PDZD8: variants seen among roughly 807,000 people sequenced by gnomAD.
PDZD8 encodes PDZ domain-containing protein 8.
PDZD8 carries 14 observed loss-of-function variants against 85.8 expected under a neutral mutation model. The observed-to-expected ratio is 0.16, with a 90% CI of 0.11 to 0.26. The LOEUF (loss-of-function observed/expected upper bound fraction) is 0.26. Among genes scored for constraint, PDZD8 ranks in the 10% least tolerant of loss-of-function variants. PDZD8 has a pLI of 1.00. For synonymous variants in PDZD8, 592 were observed against 568.6 expected, an observed-to-expected ratio of 1.04 and a Z score of -0.59; for missense variants, 1,197 against 1,424.3, an observed-to-expected ratio of 0.84 and a Z score of 2.57.
In PDZD8 at chr10:117,367,526, C is replaced by T. The variant is rs555994014; in HGVS notation, c.872+6830G>A. On this transcript the variant is annotated intron_variant, in intron 1 of 4. Coordinates refer to ENST00000334464, the MANE Select transcript of PDZD8 (RefSeq NM_173791.5). ...ATGTAATGTATCAATACATTATTCT[C>T]CATCTAAAGTGTTTTAAAAGCTGAA... Among the ~76,000 whole-genome samples, 18 of 152,314 alleles carry T rather than the reference C, an allele frequency of 1.2e-4. No homozygotes were observed. In the South Asian group the frequency reaches 3.1e-3, roughly 26 times the overall value.
At chr10:117,370,050 A>G (rs1419674121) in intron 1 of PDZD8, among the ~76,000 whole-genome samples, 1 of 152,180 alleles carries the variant, frequency 6.6e-6, no homozygotes, top group Non-Finnish European at 1.5e-5. Context: ...TAGTAAAAGA[A>G]CATTAGTGGT....
At chr10:117,292,097 C>T (rs1844777663) in intron 3 of PDZD8, among the ~76,000 whole-genome samples, 1 of 152,114 alleles carries the variant, frequency 6.6e-6, no homozygotes. Flanking sequence ...ATTTTCCTAC[C>T]TAATGATATT....
intron 2 of PDZD8, among the ~76,000 whole-genome samples, chr10:117,338,186 T>C (rs1844550193): frequency 6.6e-6 from 1 of 152,196 alleles, no homozygotes; most frequent in Non-Finnish European, 1.5e-5. Flanking sequence ...ACGGAAAGAA[T>C]GTTAGGACTT....
chr10:117,349,622 G>A (rs1844768494), intron 1 of PDZD8, among the ~76,000 whole-genome samples: 1 of 152,064 alleles, frequency 6.6e-6, no homozygotes, highest in African/African-American at 2.4e-5. Flanking sequence ...GGGCAACATA[G>A]CCACACCCCA....
intron 3 of PDZD8, among the ~76,000 whole-genome samples, chr10:117,310,033 TC>T (rs1376027410): frequency 6.6e-6 from 1 of 152,150 alleles, no homozygotes; most frequent in African/African-American, 2.4e-5. Flanking sequence ...GTATTTAAAG[TC>T]CTCTATAAGG....
chr10:117,303,586 T>A (rs1320246360), intron 3 of PDZD8, among the ~76,000 whole-genome samples: 2 of 152,182 alleles, frequency 1.3e-5, no homozygotes, highest in Admixed American at 1.3e-4. Flanking sequence ...GGGGAAAATG[T>A]CTCCAGGCCA....
intron 1 of PDZD8, among the ~76,000 whole-genome samples, chr10:117,372,736 C>A (rs1845215530): frequency 6.6e-6 from 1 of 152,202 alleles, no homozygotes; most frequent in African/African-American, 2.4e-5. Flanking sequence ...CAGTTCACCA[C>A]CCTCCGCAAA....
intron 2 of PDZD8, among the ~76,000 whole-genome samples, chr10:117,323,421 T>C (rs1332387755): frequency 2.0e-5 from 3 of 152,172 alleles, no homozygotes; most frequent in Non-Finnish European, 4.4e-5. Context: ...ACTACCTTTC[T>C]TCTCTGAAAA....
Position 117,277,445 on chromosome 10 carries a change from A to C in PDZD8, c.*5823T>G, listed in dbSNP as rs547155389. ...TGCCAACAGCCTTATAAAGAAAAAG[A>C]AGCTTTTCTAGGGGTTTGTATAAAT... is the stretch of plus-strand genomic sequence containing the variant. On this transcript the variant is annotated 3_prime_UTR_variant, in exon 5 of 5. Transcript: ENST00000334464. 15 of 407,810 alleles carry C rather than the reference A, an allele frequency of 3.7e-5. No homozygotes were observed. Among genetic ancestry groups the C allele is most frequent in the Non-Finnish European group, 4.8e-5 (11 of 229,710 alleles). The allele number at this position is 407,810 out of a possible 1,614,324, so 25.3% of individuals were successfully genotyped here. A position where few individuals can be genotyped will look rare whatever the true frequency, so the allele number is the denominator to read the frequency against.
At chr10:117,323,519 T>C (rs1279656850) in intron 2 of PDZD8, among the ~76,000 whole-genome samples, 2 of 152,132 alleles carry the variant, frequency 1.3e-5, no homozygotes, top group African/African-American at 2.4e-5. Flanking sequence ...GACAAAAGCA[T>C]AGACAATTTT....
chr10:117,357,087 T>G (rs1054749251), intron 1 of PDZD8, among the ~76,000 whole-genome samples: 1 of 152,194 alleles, frequency 6.6e-6, no homozygotes, highest in African/African-American at 2.4e-5. Flanking sequence ...AATGCTTATG[T>G]TAAACTGCTA....
rs775999857 is a variant in PDZD8 at position 117,285,335 on chromosome 10, T to C, written c.1398A>G (p.Glu466=). 1.2e-6 allele frequency: 2 copies of C among 1,614,038 alleles called. No individual in the cohort carries two copies. The highest frequency in any genetic ancestry group is 1.3e-5 in the African/African-American group (1 of 74,918). The change falls in exon 5 of 5, where the codon GAA becomes GAG. Residue 466 remains glutamate (E), a synonymous_variant. Coordinates refer to ENST00000334464, the MANE Select transcript of PDZD8 (RefSeq NM_173791.5). Reference sequence around the variant, plus strand: ...GGCATGAGCTTGACAAAAAGTTTTCTTCCAACTGGCCAAAGTTATCTTGCA... The same window carrying C: ...GGCATGAGCTTGACAAAAAGTTTTCCTCCAACTGGCCAAAGTTATCTTGCA... ...AVLQDNFGQL[E]ENFLSSSCQS... is the part of the protein sequence containing the mutation.
chr10:117,361,105 G>T (rs777300788), intron 1 of PDZD8, among the ~76,000 whole-genome samples: 1 of 152,062 alleles, frequency 6.6e-6, no homozygotes, highest in African/African-American at 2.4e-5. Context: ...AGAGAACAAG[G>T]GTGAGAAAGG....
At chr10:117,315,671 A>T (rs71475019) in intron 3 of PDZD8, among the ~76,000 whole-genome samples, 1 of 151,968 alleles carries the variant, frequency 6.6e-6, no homozygotes, top group East Asian at 1.9e-4. Flanking sequence ...CAGTGGCAAG[A>T]AAACTCCAAT....
At chr10:117,322,443 G>T (rs970555116) in intron 2 of PDZD8, among the ~76,000 whole-genome samples, 1 of 152,060 alleles carries the variant, frequency 6.6e-6, no homozygotes, top group African/African-American at 2.4e-5. Flanking sequence ...TGTGGTTTGG[G>T]GTTAATCTGT....
chr10:117,324,725 C>T (rs773846370), intron 2 of PDZD8, among the ~76,000 whole-genome samples: 13 of 152,156 alleles, frequency 8.5e-5, no homozygotes, highest in African/African-American at 1.4e-4. Context: ...ATAAATTACA[C>T]GGAACTGAAT....
intron 2 of PDZD8, among the ~76,000 whole-genome samples, chr10:117,323,763 A>C (rs1311310623): frequency 2.6e-5 from 4 of 152,152 alleles, no homozygotes; most frequent in African/African-American, 7.2e-5. Context: ...AGAATTGCAA[A>C]TGACTTTCTG....
chr10:117,312,495 G>C (rs1209466717), intron 3 of PDZD8, among the ~76,000 whole-genome samples: 1 of 152,106 alleles, frequency 6.6e-6, no homozygotes, highest in Non-Finnish European at 1.5e-5. Context: ...ACTAGGTGCA[G>C]GATACATAGC....
intron 3 of PDZD8, among the ~76,000 whole-genome samples, chr10:117,294,608 G>A (rs1843725027): frequency 6.6e-6 from 1 of 152,122 alleles, no homozygotes; most frequent in South Asian, 2.1e-4. Context: ...CAACCTAAGA[G>A]TCCATCAATG....
Sources: allele counts gnomAD v4.1 joint callset (sites outside exome capture counted in the v4.1 genomes callset), GRCh38; gene constraint gnomAD v4.1.1; transcripts MANE v1.5; gene names NCBI Gene and HGNC (gene_info 2026-07-23, HGNC 2026-07-21).